Variants in RTN4 observed in about 807,000 individuals in gnomAD.
RTN4 encodes the protein reticulon 4, also known as reticulon-4.
RTN4 carries 32 observed loss-of-function variants against 90.4 expected under a neutral mutation model. The ratio of observed to expected loss-of-function variants is 0.35; its 90% CI spans 0.27 to 0.48. The LOEUF (loss-of-function observed/expected upper bound fraction) is 0.48, where lower values mean the gene tolerates loss of function less well. Among genes scored for constraint, RTN4 ranks in the 20% least tolerant of loss-of-function variants. RTN4 has a pLI of 0.99. For missense variants in RTN4, 1,706 were observed against 1,430.2 expected (o/e 1.19, Z -3.11); for synonymous variants, 629 against 552.5 (o/e 1.14, Z -1.94).
At chr2:55,091,395 G>A (rs918423359) in intron 1 of RTN4, among the ~76,000 whole-genome samples, 1 of 152,188 alleles carries the variant, frequency 6.6e-6, no homozygotes, top group Non-Finnish European at 1.5e-5. Context: ...TGCCTGGAAT[G>A]CTTTTCCCTT....
chr2:55,069,752 A>G (rs1668453646), intron 2 of RTN4, among the ~76,000 whole-genome samples: 1 of 152,230 alleles, frequency 6.6e-6, no homozygotes, highest in Admixed American at 6.5e-5. Flanking sequence ...ACCTCCACCC[A>G]TCACCCAATG....
chr2:55,037,496 C>G (rs1682773050), intron 1 of RTN4, among the ~76,000 whole-genome samples: 1 of 151,752 alleles, frequency 6.6e-6, no homozygotes, highest in South Asian at 2.1e-4. Context: ...GCTACAGGTG[C>G]AGATCTCACT....
At chr2:55,029,744 T>C (rs569242352) in intron 1 of RTN4, among the ~76,000 whole-genome samples, 2 of 152,286 alleles carry the variant, frequency 1.3e-5, no homozygotes, top group African/African-American at 4.8e-5. Context: ...AAATTTATGA[T>C]GTGTGTTTAA....
intron 2 of RTN4, among the ~76,000 whole-genome samples, chr2:55,066,693 AAAAT>A (rs201230678): frequency 0.1 from 14,933 of 145,428 alleles, 930 homozygotes; most frequent in South Asian, 0.19. Flanking sequence ...CTCCATCTCA[AAAAT>A]AAATAAATAA....
chr2:55,108,925 A>G (rs1448847631), intron 1 of RTN4, among the ~76,000 whole-genome samples: 1 of 152,098 alleles, frequency 6.6e-6, no homozygotes, highest in East Asian at 1.9e-4. Context: ...CACATCCCTA[A>G]GGAAACTCTG....
At chr2:55,110,056 C>T (rs907244007) in intron 1 of RTN4, among the ~76,000 whole-genome samples, 1 of 152,100 alleles carries the variant, frequency 6.6e-6, no homozygotes, top group Non-Finnish European at 1.5e-5. Flanking sequence ...CACCTATAAT[C>T]CCAGCATTGT....
At chr2:55,116,377 A>C (rs912881913), upstream of RTN4, among the ~76,000 whole-genome samples, 1 of 152,122 alleles carries the variant, frequency 6.6e-6, no homozygotes, top group African/African-American at 2.4e-5. Context: ...ATAAAAATAG[A>C]TATACAACAC....
the RTN4 span, among the ~76,000 whole-genome samples, chr2:55,122,582 A>T: frequency 6.6e-6 from 1 of 152,222 alleles, no homozygotes; most frequent in African/African-American, 2.4e-5. Flanking sequence ...GCATGTGAGC[A>T]GGAAGATAAG....
intron 2 of RTN4, among the ~76,000 whole-genome samples, chr2:55,073,085 A>C (rs1397506932): frequency 2.0e-5 from 3 of 152,208 alleles, no homozygotes; most frequent in Non-Finnish European, 4.4e-5. Flanking sequence ...TGGGTTTTAC[A>C]TATTTTTAAA....
At chr2:55,007,941 T>C (rs1380314910) in intron 3 of RTN4, among the ~76,000 whole-genome samples, 1 of 152,130 alleles carries the variant, frequency 6.6e-6, no homozygotes, top group Non-Finnish European at 1.5e-5. Context: ...TACCCATTCC[T>C]TCCTATTTTA....
chr2:55,049,816 G>C lies in RTN4; in HGVS notation c.485C>G (p.Pro162Arg), dbSNP rs977028125. The C allele has an allele frequency of 3.1e-5, 40 of 1,311,030 alleles. No homozygotes were observed. In the Middle Eastern group the frequency reaches 1.1e-3, roughly 37 times the overall value. 81.2% of individuals were successfully genotyped at this position (1,311,030 alleles called of 1,614,324 possible). A position where few individuals can be genotyped will look rare whatever the true frequency, so the allele number is the denominator to read the frequency against. Residue 162 changes from proline to arginine, a missense_variant, in exon 1 of 9, where the codon CCA (proline) becomes CGA (arginine). Transcript: ENST00000337526. ...SPQAEPVWTP[P>R]APAPAAPPST... ...GGGGGGCGCGGCGGGAGCCGGGGCT[G>C]GCGGGGTCCACACGGGCTCTGCCTG...
intron 4 of RTN4, among the ~76,000 whole-genome samples, chr2:54,982,886 T>G (rs774099547): frequency 1.3e-5 from 2 of 152,150 alleles, no homozygotes; most frequent in Non-Finnish European, 2.9e-5. Context: ...GATCTGGGCT[T>G]GAATCTGATG....
intron 1 of RTN4, among the ~76,000 whole-genome samples, chr2:55,090,210 G>C (rs75959646): frequency 6.6e-6 from 1 of 152,122 alleles, no homozygotes; most frequent in Non-Finnish European, 1.5e-5. Context: ...CAGTATCTGC[G>C]AATAGGAGGT....
the RTN4 span, among the ~76,000 whole-genome samples, chr2:55,132,303 G>A: frequency 6.6e-6 from 1 of 152,098 alleles, no homozygotes; most frequent in Non-Finnish European, 1.5e-5. Flanking sequence ...AGGAGTTTGA[G>A]ACCAGCCTGG....
At chr2:55,133,210 CA>C in the RTN4 span, among the ~76,000 whole-genome samples, 1 of 151,832 alleles carries the variant, frequency 6.6e-6, no homozygotes, top group Non-Finnish European at 1.5e-5. Context: ...GACTCTGTCT[CA>C]AAAAACTAAA....
the RTN4 span, among the ~76,000 whole-genome samples, chr2:55,122,050 T>G: frequency 6.6e-6 from 1 of 152,048 alleles, no homozygotes; most frequent in Non-Finnish European, 1.5e-5. Context: ...CAGGCTGGAG[T>G]GCAGTGGTGT....
chr2:55,099,495 T>C (rs1483391889), intron 1 of RTN4, among the ~76,000 whole-genome samples: 1 of 152,062 alleles, frequency 6.6e-6, no homozygotes, highest in Non-Finnish European at 1.5e-5. Context: ...GTTCATTTCC[T>C]GCCCTAGACC....
At chr2:54,981,506 GT>G (rs2104638599) in intron 5 of RTN4, among the ~76,000 whole-genome samples, 1 of 152,146 alleles carries the variant, frequency 6.6e-6, no homozygotes, top group East Asian at 1.9e-4. Context: ...AAGTCTGCCT[GT>G]TTTCTGCAGA....
intron 1 of RTN4, among the ~76,000 whole-genome samples, chr2:55,111,517 G>C (rs1432065450): frequency 6.6e-6 from 1 of 152,216 alleles, no homozygotes; most frequent in Non-Finnish European, 1.5e-5. Context: ...CACCTAGCTA[G>C]TGTTTGTGGG....
Sources: gnomAD v4.1 joint callset for allele counts (sites outside exome capture counted in the v4.1 genomes callset) on GRCh38, gnomAD v4.1.1 for gene constraint, MANE v1.5 for transcripts, NCBI Gene and HGNC (gene_info 2026-07-23, HGNC 2026-07-21) for gene names.